ANGPT1: variants seen among roughly 807,000 people sequenced by gnomAD.
ANGPT1 encodes the protein angiopoietin-1.
A neutral mutation model predicts 62.2 loss-of-function variants in ANGPT1; 17 were observed. The ratio of observed to expected loss-of-function variants is 0.27; its 90% CI spans 0.19 to 0.41. The LOEUF is 0.41. Ranked by LOEUF, ANGPT1 falls within the 10% of genes least tolerant of loss-of-function variation. ANGPT1 has a pLI of 1.00. For synonymous variants in ANGPT1, 199 were observed against 198.9 expected (o/e 1.00, Z 0.00); for missense variants, 478 against 594.9 (o/e 0.80, Z 2.04).
At chr8:107,381,057 T>C (rs1395149359) in intron 1 of ANGPT1, among the ~76,000 whole-genome samples, 2 of 152,348 alleles carry the variant, frequency 1.3e-5, no homozygotes, top group African/African-American at 4.8e-5. Flanking sequence ...TTCCTGTTAC[T>C]GATTTCTTTA....
chr8:107,390,410 G>A (rs1462925718), intron 1 of ANGPT1, among the ~76,000 whole-genome samples: 1 of 152,140 alleles, frequency 6.6e-6, no homozygotes, highest in Non-Finnish European at 1.5e-5. Context: ...AAAATATTGA[G>A]CTGAATACTC....
chr8:107,379,390 C>T (rs1422487397), intron 1 of ANGPT1, among the ~76,000 whole-genome samples: 1 of 152,094 alleles, frequency 6.6e-6, no homozygotes, highest in Non-Finnish European at 1.5e-5. Context: ...GCTGCCTTGA[C>T]AATTAAATAA....
At chr8:107,328,033 A>G (rs6469109) in intron 3 of ANGPT1, among the ~76,000 whole-genome samples, 152,136 of 152,172 alleles carry the variant, frequency 1, 76,050 homozygotes, top group Middle Eastern at 1. Flanking sequence ...AGTTCTTAAC[A>G]TAGCAGCCAA....
intron 1 of ANGPT1, among the ~76,000 whole-genome samples, chr8:107,349,725 A>G (rs532422176): frequency 6.6e-6 from 1 of 152,112 alleles, no homozygotes; most frequent in African/African-American, 2.4e-5. Flanking sequence ...CAGCTCCAAA[A>G]CCCATGTTGT....
rs1281291162 is a variant in ANGPT1, at chr8:107,299,422, A to ATATAC, written c.936+3817_936+3818insGTATA. Reference sequence around the variant, plus strand: ...ATATATATATATATATATATATATAAACATACATATATATACTAAGCATAT... The same window carrying ATATAC: ...ATATATATATATATATATATATATAATATACACATACATATATATACTAAGCATAT... On this transcript the variant is annotated intron_variant, in intron 5 of 8. Coordinates refer to ENST00000517746, the MANE Select transcript of ANGPT1 (RefSeq NM_001146.5). Among the ~76,000 whole-genome samples the ATATAC allele has an allele frequency of 9.1e-3, 1,056 of 116,084 alleles. 25 individuals are homozygous for ATATAC. Among genetic ancestry groups the ATATAC allele is most frequent in the African/African-American group, 0.03 (985 of 32,392 alleles). The allele number at this position is 116,084 out of a possible 152,430, so 76.2% of individuals were successfully genotyped here. A position where few individuals can be genotyped will look rare whatever the true frequency, so the allele number is the denominator to read the frequency against.
intron 1 of ANGPT1, among the ~76,000 whole-genome samples, chr8:107,447,091 A>G (rs976435707): frequency 2.6e-5 from 4 of 152,094 alleles, no homozygotes; most frequent in Admixed American, 1.3e-4. Context: ...TTGAAATCTG[A>G]CCACTTCTAT....
At chr8:107,466,110 C>A (rs11775510) in intron 1 of ANGPT1, among the ~76,000 whole-genome samples, 8,005 of 152,002 alleles carry the variant, frequency 0.053, 242 homozygotes, top group South Asian at 0.11. Flanking sequence ...TTTTGTATGG[C>A]GGAAGAAGAT....
chr8:107,421,523 G>A (rs952551952), intron 1 of ANGPT1, among the ~76,000 whole-genome samples: 7 of 152,088 alleles, frequency 4.6e-5, no homozygotes, highest in East Asian at 1.9e-4. Context: ...ATTCGACTTC[G>A]GTGTCTCTAT....
intron 8 of ANGPT1, among the ~76,000 whole-genome samples, chr8:107,262,052 A>T (rs898386447): frequency 6.6e-6 from 1 of 151,948 alleles, no homozygotes; most frequent in African/African-American, 2.4e-5. Flanking sequence ...AAAATTAGCC[A>T]GGCATGGTGG....
intron 3 of ANGPT1, among the ~76,000 whole-genome samples, chr8:107,331,943 T>C: frequency 6.6e-6 from 1 of 152,140 alleles, no homozygotes; most frequent in East Asian, 1.9e-4. Flanking sequence ...GGGCTCCTTC[T>C]GGAATATTCT....
At chr8:107,311,254 G>C (rs1814855427) in intron 4 of ANGPT1, among the ~76,000 whole-genome samples, 1 of 148,438 alleles carries the variant, frequency 6.7e-6, no homozygotes, top group Non-Finnish European at 1.5e-5. Flanking sequence ...AATATAAAGG[G>C]GGCATGCTAT....
chr8:107,386,293 T>C (rs186294277), intron 1 of ANGPT1, among the ~76,000 whole-genome samples: 1 of 152,210 alleles, frequency 6.6e-6, no homozygotes, highest in East Asian at 1.9e-4. Flanking sequence ...TCAGGTATTA[T>C]GCTAGTTAGC....
chr8:107,496,244 G>T (rs917504268), intron 1 of ANGPT1, among the ~76,000 whole-genome samples: 5 of 152,168 alleles, frequency 3.3e-5, no homozygotes, highest in Admixed American at 6.5e-5. Context: ...CCTTCTAGTA[G>T]CATAGTCAGT....
At chr8:107,307,198 TC>T (rs758296954) in intron 4 of ANGPT1, among the ~76,000 whole-genome samples, 4 of 152,068 alleles carry the variant, frequency 2.6e-5, no homozygotes, top group African/African-American at 4.8e-5. Context: ...TTTCCGAGCC[TC>T]CCTTTTCTTT....
At chr8:107,465,993 G>T (rs756367917) in intron 1 of ANGPT1, among the ~76,000 whole-genome samples, 1 of 152,166 alleles carries the variant, frequency 6.6e-6, no homozygotes, top group African/African-American at 2.4e-5. Context: ...CTGGTTAGCC[G>T]TTCCACTGTC....
intron 4 of ANGPT1, among the ~76,000 whole-genome samples, chr8:107,316,570 C>T (rs921865330): frequency 2.0e-4 from 30 of 152,310 alleles, no homozygotes; most frequent in African/African-American, 7.2e-4. Context: ...CCAGGCTTCT[C>T]AGCTTTACAG....
In ANGPT1 at chr8:107,453,065, C is replaced by T. The variant is rs375409540; in HGVS notation, c.297+44197G>A. Among the ~76,000 whole-genome samples, 4 of 152,090 alleles carry T rather than the reference C, an allele frequency of 2.6e-5. No homozygotes were observed. In the South Asian group the frequency reaches 8.3e-4, roughly 32 times the overall value. On this transcript the variant is annotated intron_variant, in intron 1 of 8. Transcript: ENST00000517746. ...AATGAACTCTTTAAATGATGGTGCC[C>T]AATGCTTGTAAAGATGCACATGTGT...
At position 107,273,799 on chromosome 8, in the gene ANGPT1, C is replaced by T. The variant is rs573683208; in HGVS notation, c.1206-9448G>A. Among the ~76,000 whole-genome samples, 9 of 151,730 alleles carry T rather than the reference C, an allele frequency of 5.9e-5. No individual in the cohort carries two copies. In the East Asian group the frequency reaches 1.4e-3, roughly 23 times the overall value. Reference sequence around the variant, plus strand: ...TTGACCACTATTTTTTTTTAAGTAACCAATGATAGCCTAATTCCAAGGGTT... The same window carrying T: ...TTGACCACTATTTTTTTTTAAGTAATCAATGATAGCCTAATTCCAAGGGTT... On this transcript the variant is annotated intron_variant, in intron 7 of 8. Coordinates refer to ENST00000517746, the MANE Select transcript of ANGPT1 (RefSeq NM_001146.5).
intron 5 of ANGPT1, among the ~76,000 whole-genome samples, chr8:107,298,590 G>A (rs759485893): frequency 6.6e-6 from 1 of 151,782 alleles, no homozygotes; most frequent in Non-Finnish European, 1.5e-5. Flanking sequence ...AACCGTCTTT[G>A]GCTTCCACAT....
Sources: gnomAD v4.1 joint callset for allele counts (sites outside exome capture counted in the v4.1 genomes callset) on GRCh38, gnomAD v4.1.1 for gene constraint, MANE v1.5 for transcripts, NCBI Gene and HGNC (gene_info 2026-07-23, HGNC 2026-07-21) for gene names.